The following FGF13 variants were observed in gnomAD, a reference collection of about 807,000 sequenced individuals.
The protein encoded by FGF13 is fibroblast growth factor homologous factor 2.
A neutral mutation model predicts 19.5 loss-of-function variants in FGF13; 2 were observed. The ratio of observed to expected loss-of-function variants is 0.10; its 90% CI spans 0.04 to 0.32. The LOEUF (loss-of-function observed/expected upper bound fraction) is 0.32. Among genes scored for constraint, FGF13 ranks in the 10% least tolerant of loss-of-function variants. The pLI is 1.00. For missense variants in FGF13, 113 were observed against 192.7 expected (o/e 0.59, Z 2.45); for synonymous variants, 72 against 76.9 (o/e 0.94, Z 0.33).
intron 3 of FGF13, among the ~76,000 whole-genome samples, chrX:138,786,898 G>C (rs1242829608): frequency 8.9e-6 from 1 of 112,105 alleles, no homozygotes; most frequent in Admixed American, 9.5e-5. Context: ...AAGTCAAGGA[G>C]AGGAAATGCA....
intron 1 of FGF13, among the ~76,000 whole-genome samples, chrX:138,997,266 G>A (rs963487816): frequency 6.3e-5 from 7 of 111,783 alleles, no homozygotes; most frequent in South Asian, 3.7e-4. Context: ...AAACAAGACC[G>A]CCTCTTCTCC....
intron 1 of FGF13, among the ~76,000 whole-genome samples, chrX:138,976,728 T>C (rs2091941434): frequency 2.8e-5 from 1 of 35,099 alleles, no homozygotes; most frequent in South Asian, 1.0e-3. Flanking sequence ...TTTGTGCAAA[T>C]TTTCTGCAAA....
At chrX:138,921,643 C>CAT (rs765997256) in intron 1 of FGF13, among the ~76,000 whole-genome samples, 241 of 111,307 alleles carry the variant, frequency 2.2e-3, no homozygotes, top group Non-Finnish European at 3.7e-3. Flanking sequence ...GCCTAAGAAA[C>CAT]ATATCTTGTG....
chrX:139,096,230 T>A (rs1247166692), intron 1 of FGF13, among the ~76,000 whole-genome samples: 2 of 111,790 alleles, frequency 1.8e-5, no homozygotes, highest in African/African-American at 6.5e-5. Context: ...ATACTTGCTA[T>A]GAAAAAGTCT....
chrX:139,197,155 C>T (rs1293384329), intron 1 of FGF13, among the ~76,000 whole-genome samples: 1 of 112,054 alleles, frequency 8.9e-6, no homozygotes, highest in Non-Finnish European at 1.9e-5. Context: ...AGGTGCATGG[C>T]ATATGCATTC....
chrX:138,878,317 A>C, intron 1 of FGF13, among the ~76,000 whole-genome samples: 1 of 65,168 alleles, frequency 1.5e-5, no homozygotes, highest in Non-Finnish European at 2.7e-5. Context: ...CCACCCCACA[A>C]CAGTCCCCAG....
intron 1 of FGF13, among the ~76,000 whole-genome samples, chrX:138,897,517 T>G (rs749648903): frequency 5.6e-4 from 62 of 111,653 alleles, no homozygotes; most frequent in Non-Finnish European, 1.0e-3. Flanking sequence ...GGTAGAGTTG[T>G]TGAGAATCTA....
intron 1 of FGF13, among the ~76,000 whole-genome samples, chrX:138,986,325 C>CA (rs761488573): frequency 8.9e-6 from 1 of 111,742 alleles, no homozygotes; most frequent in Non-Finnish European, 1.9e-5. Flanking sequence ...ACTCATCTAT[C>CA]ACAATTTCTT....
intron 3 of FGF13, among the ~76,000 whole-genome samples, chrX:138,842,179 T>C (rs775728160): frequency 9.0e-6 from 1 of 111,617 alleles, no homozygotes; most frequent in Non-Finnish European, 1.9e-5. Flanking sequence ...CCTGAGCCCA[T>C]GATATAACTG....
chrX:138,648,927 T>C lies in FGF13; in HGVS notation c.403-13272A>G, dbSNP rs150433604. Reference sequence around the variant, plus strand: ...AGCATCAAGGAAGAGGATAATGAAGTTGTATCTGAACAGAAGGAAGCTAAA... The same window carrying C: ...AGCATCAAGGAAGAGGATAATGAAGCTGTATCTGAACAGAAGGAAGCTAAA... On this transcript the variant is annotated intron_variant, in intron 3 of 4. Transcript: ENST00000315930. 3.6e-5 allele frequency among the ~76,000 whole-genome samples: 4 copies of C among 112,391 alleles called. No individual in the cohort carries two copies. In the East Asian group the frequency reaches 1.1e-3, roughly 32 times the overall value.
At chrX:139,203,393 G>A (rs1471573081) in intron 1 of FGF13, 1 of 109,596 alleles carries the variant, frequency 9.1e-6, no homozygotes, top group Non-Finnish European at 1.9e-5. Flanking sequence ...CGCGGGCGGC[G>A]CCAGGGCACC....
chrX:138,769,541 G>A (rs2090529843), intron 3 of FGF13, among the ~76,000 whole-genome samples: 1 of 111,907 alleles, frequency 8.9e-6, no homozygotes, highest in Admixed American at 9.5e-5. Flanking sequence ...TGACCATCAT[G>A]GAAAATCAGT....
chrX:139,148,259 T>G (rs2083906725), intron 1 of FGF13, among the ~76,000 whole-genome samples: 1 of 111,466 alleles, frequency 9.0e-6, no homozygotes, highest in African/African-American at 3.3e-5. Context: ...TCTGCCTTCA[T>G]TTTTTCCTGT....
At chrX:139,071,481 T>C (rs987660942) in intron 1 of FGF13, among the ~76,000 whole-genome samples, 1 of 112,002 alleles carries the variant, frequency 8.9e-6, no homozygotes, top group Non-Finnish European at 1.9e-5. Flanking sequence ...TCATCTTCCA[T>C]GTTACTGTTG....
chrX:139,078,756 C>T (rs1458548131), intron 1 of FGF13, among the ~76,000 whole-genome samples: 2 of 112,517 alleles, frequency 1.8e-5, no homozygotes, highest in Non-Finnish European at 3.7e-5. Flanking sequence ...AACATCAAAA[C>T]GCTAACAATA....
intron 3 of FGF13, among the ~76,000 whole-genome samples, chrX:138,781,291 G>C (rs1312971814): frequency 4.6e-5 from 5 of 108,884 alleles, no homozygotes; most frequent in East Asian, 2.9e-4. Flanking sequence ...TCAAAAGCTA[G>C]CAGAAGGCAA....
intron 3 of FGF13, among the ~76,000 whole-genome samples, chrX:138,831,256 G>A (rs1490033948): frequency 8.9e-6 from 1 of 111,846 alleles, no homozygotes. Context: ...CAGGGGTGGA[G>A]CCACCACAGA....
chrX:139,184,143 G>T (rs779062155), intron 1 of FGF13, among the ~76,000 whole-genome samples: 1 of 112,009 alleles, frequency 8.9e-6, no homozygotes, highest in South Asian at 3.7e-4. Flanking sequence ...ATATCCATGG[G>T]TTCATACCAA....
intron 3 of FGF13, among the ~76,000 whole-genome samples, chrX:138,749,443 G>A (rs1291010876): frequency 1.8e-5 from 2 of 110,837 alleles, no homozygotes; most frequent in African/African-American, 6.6e-5. Context: ...AAATCACAGG[G>A]GGGCGGGTAC....
Sources: gnomAD v4.1 joint callset for allele counts (sites outside exome capture counted in the v4.1 genomes callset) on GRCh38, gnomAD v4.1.1 for gene constraint, MANE v1.5 for transcripts, NCBI Gene and HGNC (gene_info 2026-07-23, HGNC 2026-07-21) for gene names.